Variants in OTULIN observed in about 807,000 individuals in gnomAD.
OTULIN encodes the protein ubiquitin thioesterase otulin.
A neutral mutation model predicts 39.6 loss-of-function variants in OTULIN; 15 were observed. That is an observed-to-expected ratio of 0.38 (90% CI 0.25 to 0.58). The LOEUF is 0.58. Ranked by LOEUF, OTULIN falls within the 20% of genes least tolerant of loss-of-function variation. The pLI, the probability that OTULIN is intolerant of heterozygous loss-of-function variation, is 0.66. For synonymous variants in OTULIN, 156 were observed against 170.3 expected (o/e 0.92, Z 0.65); for missense variants, 319 against 445.9 (o/e 0.72, Z 2.56).
At chr5:14,676,408 T>C (rs1463076427) in intron 2 of OTULIN, among the ~76,000 whole-genome samples, 1 of 152,222 alleles carries the variant, frequency 6.6e-6, no homozygotes, top group African/African-American at 2.4e-5. Context: ...ACCTGGCATG[T>C]AGTAGCCATT....
chr5:14,681,408 C>A, intron 3 of OTULIN, 56 bp from the exon 4 acceptor site: 1 of 1,533,274 alleles, frequency 6.5e-7, no homozygotes, highest in Non-Finnish European at 8.8e-7. Context: ...ATGAAACTTT[C>A]TCTGCTATCT....
rs577506698 is a variant in OTULIN at position 14,669,186 on chromosome 5, G to A, written c.152+4209G>A. On this transcript the variant is annotated intron_variant, in intron 1 of 6. Coordinates refer to ENST00000284274, the MANE Select transcript of OTULIN (RefSeq NM_138348.6). Reference sequence around the variant, plus strand: ...TCACGACCAGCCTGGCCAATGTGGTGAAACCCTGTCTCCACTAAAAATACA... The same window carrying A: ...TCACGACCAGCCTGGCCAATGTGGTAAAACCCTGTCTCCACTAAAAATACA... Among the ~76,000 whole-genome samples the A allele has an allele frequency of 5.4e-4, 82 of 151,822 alleles. 2 individuals are homozygous for A. Among genetic ancestry groups the A allele is most frequent in the Middle Eastern group, 3.2e-3 (1 of 314 alleles).
intron 4 of OTULIN, among the ~76,000 whole-genome samples, chr5:14,684,955 C>T (rs1736348697): frequency 6.6e-6 from 1 of 152,204 alleles, no homozygotes; most frequent in Non-Finnish European, 1.5e-5. Flanking sequence ...CCCAGGTGTC[C>T]TGTTTGTTGT....
downstream of OTULIN, among the ~76,000 whole-genome samples, chr5:14,700,513 G>A (rs1339029790): frequency 6.6e-6 from 1 of 151,940 alleles, no homozygotes; most frequent in African/African-American, 2.4e-5. Flanking sequence ...GCCGGCCAAG[G>A]CACAGTCCTC....
chr5:14,716,216 TG>T, the OTULIN span, among the ~76,000 whole-genome samples: 2 of 152,298 alleles, frequency 1.3e-5, no homozygotes, highest in South Asian at 4.2e-4. Flanking sequence ...AAAAACAAGT[TG>T]TACGCCAGGT....
In OTULIN at chr5:14,664,735, C is replaced by T. The variant is rs1735780345; in HGVS notation, c.-91C>T. On this transcript the variant is annotated 5_prime_UTR_variant, in exon 1 of 7. Transcript: ENST00000284274. Reference sequence around the variant, plus strand: ...GGGCCCTCGGAAACCGCCCCGGCGGCTGAGAGGCTGCGGCCACTGCCTGGC... The same window carrying T: ...GGGCCCTCGGAAACCGCCCCGGCGGTTGAGAGGCTGCGGCCACTGCCTGGC... 4.6e-6 allele frequency: 5 copies of T among 1,077,330 alleles called. No homozygotes were observed. The South Asian group carries it at 2.2e-4, about 48-fold the overall frequency. The allele number at this position is 1,077,330 out of a possible 1,614,324, so 66.7% of individuals were successfully genotyped here. A position where few individuals can be genotyped will look rare whatever the true frequency, so the allele number is the denominator to read the frequency against.
the OTULIN span, chr5:14,711,305 C>CT: frequency 1.2e-6 from 2 of 1,614,064 alleles, no homozygotes; most frequent in Non-Finnish European, 1.7e-6. Context: ...TCTCCATCTT[C>CT]TTTTTCTAGA....
At chr5:14,707,752 A>G in the OTULIN span, 1 of 152,176 alleles carries the variant, frequency 6.6e-6, no homozygotes, top group South Asian at 2.1e-4. Context: ...CATCTGATAC[A>G]TCCTAAGCCA....
At position 14,698,276 on chromosome 5, in the gene OTULIN, C is replaced by G. The variant is rs1432704689; in HGVS notation, c.*5228C>G. ...GAATGGAGGCTGGTGGAGCAGCACACTGTGTGAACCTGGCAGCGCTCATCT... is the reference window on the plus strand; with the variant it reads ...GAATGGAGGCTGGTGGAGCAGCACAGTGTGTGAACCTGGCAGCGCTCATCT... On this transcript the variant is annotated 3_prime_UTR_variant, in exon 7 of 7. Transcript: ENST00000284274. 1 of 152,266 alleles carries G rather than the reference C, an allele frequency of 6.6e-6. No individual in the cohort carries two copies. Among genetic ancestry groups the G allele is most frequent in the African/African-American group, 2.4e-5 (1 of 41,472 alleles). The allele number at this position is 152,266 out of a possible 1,614,324, so 9.4% of individuals were successfully genotyped here.
At chr5:14,685,746 G>C (rs1440239025) in intron 4 of OTULIN, among the ~76,000 whole-genome samples, 1 of 152,170 alleles carries the variant, frequency 6.6e-6, no homozygotes, top group African/African-American at 2.4e-5. Context: ...CATGTCCCCA[G>C]ATGCTCAGCC....
At chr5:14,707,941 A>G in the OTULIN span, 1 of 152,202 alleles carries the variant, frequency 6.6e-6, no homozygotes, top group South Asian at 2.1e-4. Context: ...AATGCAAACA[A>G]GTGGCCTTCT....
chr5:14,679,648 G>A (rs1164918539), intron 3 of OTULIN, among the ~76,000 whole-genome samples: 1 of 152,056 alleles, frequency 6.6e-6, no homozygotes, highest in Non-Finnish European at 1.5e-5. Context: ...TTAAATATTT[G>A]AATATTTAGT....
chr5:14,664,884 C>G lies in OTULIN; in HGVS notation c.59C>G (p.Thr20Arg), dbSNP rs1312208316. ...EAWPGASCAE[T>R]PAREAAATAR... ...TGGCCAGGCGCGAGCTGCGCCGAGA[C>G]GCCGGCGCGGGAGGCGGCGGCCACG... is the stretch of plus-strand genomic sequence containing the variant. Residue 20 changes from threonine (T) to arginine (R), a missense_variant, in exon 1 of 7, where the codon ACG (threonine) becomes AGG (arginine). Thr to Arg is a moderately conservative substitution (Grantham distance 71). Coordinates refer to ENST00000284274, the MANE Select transcript of OTULIN (RefSeq NM_138348.6). 5.0e-6 allele frequency: 6 copies of G among 1,190,406 alleles called. No individual in the cohort carries two copies. The highest frequency in any genetic ancestry group is 6.2e-6 in the Non-Finnish European group (6 of 962,152). 73.7% of individuals were successfully genotyped at this position (1,190,406 alleles called of 1,614,324 possible).
chr5:14,712,212 C>T, the OTULIN span, among the ~76,000 whole-genome samples: 4 of 152,356 alleles, frequency 2.6e-5, no homozygotes, highest in South Asian at 2.1e-4. Context: ...CTGAGATGCA[C>T]GTCACGCACC....
intron 1 of OTULIN, among the ~76,000 whole-genome samples, chr5:14,667,655 G>A (rs571288158): frequency 3.3e-5 from 5 of 152,214 alleles, no homozygotes; most frequent in Non-Finnish European, 5.9e-5. Flanking sequence ...GATTACAGGC[G>A]TGAGCCACAG....
chr5:14,711,214 T>C, the OTULIN span: 1 of 1,614,106 alleles, frequency 6.2e-7, no homozygotes, highest in Non-Finnish European at 8.5e-7. Context: ...TTCTCCTCTC[T>C]CATTTCCACG....
chr5:14,671,586 A>G (rs1215087374), intron 1 of OTULIN, among the ~76,000 whole-genome samples: 2 of 152,196 alleles, frequency 1.3e-5, no homozygotes, highest in Non-Finnish European at 2.9e-5. Context: ...CCTTTGATGT[A>G]TGGTCCCCAT....
rs182362274 is a variant in OTULIN, at chr5:14,672,547, T to C, written c.153-1095T>C. Among the ~76,000 whole-genome samples, 685 of 152,254 alleles carry C rather than the reference T, an allele frequency of 4.5e-3. 3 individuals are homozygous for C. Among genetic ancestry groups the C allele is most frequent in the African/African-American group, 0.016 (648 of 41,536 alleles). ...CCTCCTTCCTGTGTTCCACTGGGTC[T>C]GCAGCCTTGTGTGAGGATGGGGTAT... On this transcript the variant is annotated intron_variant, in intron 1 of 6. Transcript: ENST00000284274.
downstream of OTULIN, among the ~76,000 whole-genome samples, chr5:14,701,815 G>A (rs1032092334): frequency 2.0e-5 from 3 of 152,124 alleles, no homozygotes; most frequent in African/African-American, 7.2e-5. Flanking sequence ...GTGCCCACCC[G>A]TGTTAAGTGT....
Sources: gnomAD v4.1 joint callset for allele counts (sites outside exome capture counted in the v4.1 genomes callset) on GRCh38, gnomAD v4.1.1 for gene constraint, MANE v1.5 for transcripts, NCBI Gene and HGNC (gene_info 2026-07-23, HGNC 2026-07-21) for gene names.